Variants in TEKT5 observed in about 807,000 individuals in gnomAD.
The protein encoded by TEKT5 is tektin-5.
Under a neutral mutation model 48.7 loss-of-function variants are expected in TEKT5, and 52 were observed. The observed-to-expected ratio is 1.07, with a 90% CI of 0.86 to 1.35. The LOEUF (loss-of-function observed/expected upper bound fraction) is 1.35, where lower values mean the gene tolerates loss of function less well. Ranked by LOEUF, TEKT5 falls within the 40% of genes most tolerant of loss-of-function variation. TEKT5 has a pLI of 0.00. For synonymous variants in TEKT5, 318 were observed against 267.6 expected, an observed-to-expected ratio of 1.19 and a Z score of -1.84; for missense variants, 831 against 641.6, an observed-to-expected ratio of 1.30 and a Z score of -3.19.
chr16:10,652,765 A>G (rs7186440), intron 5 of TEKT5, among the ~76,000 whole-genome samples: 7 of 33,982 alleles, frequency 2.1e-4, no homozygotes, highest in Non-Finnish European at 2.8e-4. Context: ...TACACAGGCA[A>G]ACACACACAC....
chr16:10,680,420 T>C (rs1898726747), intron 4 of TEKT5, among the ~76,000 whole-genome samples: 1 of 151,654 alleles, frequency 6.6e-6, no homozygotes, highest in African/African-American at 2.4e-5. Flanking sequence ...ATTTATTGCA[T>C]ACCAACATGT....
At chr16:10,650,069 A>C (rs2719753) in intron 5 of TEKT5, among the ~76,000 whole-genome samples, 25,521 of 138,550 alleles carry the variant, frequency 0.18, 2,427 homozygotes, top group African/African-American at 0.27. Context: ...TTTTATTTTT[A>C]TTTTTATTAT....
chr16:10,635,290 G>A (rs919844147), intron 6 of TEKT5, among the ~76,000 whole-genome samples: 3 of 151,446 alleles, frequency 2.0e-5, no homozygotes, highest in African/African-American at 4.9e-5. Context: ...AGGATGGGTG[G>A]GATCCACCAG....
At chr16:10,680,542 C>G (rs1197151371) in intron 4 of TEKT5, among the ~76,000 whole-genome samples, 1 of 151,816 alleles carries the variant, frequency 6.6e-6, no homozygotes, top group Non-Finnish European at 1.5e-5. Context: ...AGACCTCAGA[C>G]TACCAACTGG....
chr16:10,632,088 G>C (rs1371193817), intron 6 of TEKT5, among the ~76,000 whole-genome samples: 2 of 152,110 alleles, frequency 1.3e-5, no homozygotes, highest in African/African-American at 4.8e-5. Context: ...TGGGAAGCCT[G>C]GGCTAGAGAG....
intron 4 of TEKT5, among the ~76,000 whole-genome samples, chr16:10,678,288 G>A (rs59358001): frequency 0.024 from 3,599 of 152,098 alleles, 143 homozygotes; most frequent in African/African-American, 0.081. Flanking sequence ...TTGTAGAGAC[G>A]GGGTTTCACC....
intron 5 of TEKT5, among the ~76,000 whole-genome samples, chr16:10,646,299 C>T (rs368775940): frequency 7.9e-5 from 12 of 152,046 alleles, no homozygotes; most frequent in East Asian, 5.8e-4. Context: ...AACCAGCTTC[C>T]CCCCAGTGAC....
chr16:10,671,555 G>A (rs1898548889), intron 5 of TEKT5, among the ~76,000 whole-genome samples: 1 of 152,232 alleles, frequency 6.6e-6, no homozygotes, highest in Non-Finnish European at 1.5e-5. Flanking sequence ...ACTACTGTAT[G>A]ATTCCACTTA....
At chr16:10,633,603 C>T (rs554325102) in intron 6 of TEKT5, among the ~76,000 whole-genome samples, 23 of 152,246 alleles carry the variant, frequency 1.5e-4, no homozygotes, top group South Asian at 6.2e-4. Context: ...AGTGCAATGG[C>T]GCAATCATAG....
intron 5 of TEKT5, among the ~76,000 whole-genome samples, chr16:10,671,030 A>G (rs949193630): frequency 6.6e-6 from 1 of 152,082 alleles, no homozygotes; most frequent in Admixed American, 6.6e-5. Flanking sequence ...AGGAATTTGG[A>G]AAGCGAAAAG....
chr16:10,647,386 C>T (rs373070371), intron 5 of TEKT5, among the ~76,000 whole-genome samples: 20 of 151,426 alleles, frequency 1.3e-4, no homozygotes, highest in East Asian at 3.9e-4. Context: ...GCAGGAGGAT[C>T]GCTTAAGCCT....
At chr16:10,654,011 T>TGTGCATGTGTGTGTGTGTGC (rs1898215067) in intron 5 of TEKT5, among the ~76,000 whole-genome samples, 1 of 139,752 alleles carries the variant, frequency 7.2e-6, no homozygotes, top group Non-Finnish European at 1.5e-5. Flanking sequence ...TGTGTGTGTG[T>TGTGCATGTGTGTGTGTGTGC]GTGCATGTGT....
chr16:10,630,727 C>A (rs1444192717), intron 6 of TEKT5, among the ~76,000 whole-genome samples: 2 of 152,164 alleles, frequency 1.3e-5, no homozygotes, highest in Non-Finnish European at 1.5e-5. Flanking sequence ...TAATTTAAAA[C>A]TTAAATTTTG....
intron 4 of TEKT5, among the ~76,000 whole-genome samples, chr16:10,680,694 T>C (rs948992691): frequency 6.6e-6 from 1 of 151,276 alleles, no homozygotes; most frequent in Non-Finnish European, 1.5e-5. Flanking sequence ...AAATGATGAG[T>C]TCATGTCCTT....
At chr16:10,659,027 A>G (rs138165128) in intron 5 of TEKT5, among the ~76,000 whole-genome samples, 349 of 152,286 alleles carry the variant, frequency 2.3e-3, no homozygotes, top group African/African-American at 7.7e-3. Flanking sequence ...CTGGGACCAG[A>G]TCATTCTGTG....
intron 3 of TEKT5, among the ~76,000 whole-genome samples, chr16:10,683,752 G>C (rs1413578595): frequency 6.6e-6 from 1 of 152,018 alleles, no homozygotes; most frequent in Non-Finnish European, 1.5e-5. Context: ...CACCACTCCC[G>C]GCTGATTTTT....
At chr16:10,628,424 C>T (rs894392936) in intron 6 of TEKT5, among the ~76,000 whole-genome samples, 4 of 152,176 alleles carry the variant, frequency 2.6e-5, no homozygotes, top group Non-Finnish European at 5.9e-5. Flanking sequence ...GTTCCGCTCC[C>T]GGGTATATAC....
intron 5 of TEKT5, among the ~76,000 whole-genome samples, chr16:10,655,464 T>C (rs72783718): frequency 0.035 from 5,336 of 152,312 alleles, 134 homozygotes; most frequent in Non-Finnish European, 0.057. Context: ...TATAGGATTA[T>C]TGTGAGGGTT....
At chr16:10,690,549 T>G in intron 1 of TEKT5, 1 of 984,086 alleles carries the variant, frequency 1.0e-6, no homozygotes, top group Non-Finnish European at 1.2e-6. Context: ...GCAGGTGAAG[T>G]CGGCTTGACA....
Sources: allele counts gnomAD v4.1 joint callset (sites outside exome capture counted in the v4.1 genomes callset), GRCh38; gene constraint gnomAD v4.1.1; transcripts MANE v1.5; gene names NCBI Gene and HGNC (gene_info 2026-07-23, HGNC 2026-07-21).